Variants in CNTN6 observed in about 807,000 individuals in gnomAD.
The protein encoded by CNTN6 is contactin-6.
A neutral mutation model predicts 122.8 loss-of-function variants in CNTN6; 137 were observed. The observed-to-expected ratio is 1.12, with a 90% CI of 0.97 to 1.29. The LOEUF is 1.29. Among genes scored for constraint, CNTN6 ranks in the 50% most tolerant of loss-of-function variants. The pLI is 0.00. For synonymous variants in CNTN6, 570 were observed against 426.0 expected, an observed-to-expected ratio of 1.34 and a Z score of -4.16; for missense variants, 1,634 against 1,223.4, an observed-to-expected ratio of 1.34 and a Z score of -5.01.
chr3:1,276,760 C>G (rs76890195), intron 4 of CNTN6, among the ~76,000 whole-genome samples: 5,980 of 152,070 alleles, frequency 0.039, 170 homozygotes, highest in South Asian at 0.067. Context: ...TAAACTGATG[C>G]GACAGAGACC....
At chr3:1,312,840 T>C (rs1169104002) in intron 7 of CNTN6, among the ~76,000 whole-genome samples, 1 of 151,310 alleles carries the variant, frequency 6.6e-6, no homozygotes, top group East Asian at 1.9e-4. Flanking sequence ...ATTTACTGTA[T>C]GATGTTGGGC....
chr3:1,150,332 A>G (rs2092812764), intron 2 of CNTN6, among the ~76,000 whole-genome samples: 1 of 152,188 alleles, frequency 6.6e-6, no homozygotes, highest in Admixed American at 6.5e-5. Flanking sequence ...ATCTTTCACA[A>G]TTACTTACTT....
chr3:1,300,255 G>A (rs1696974683), intron 7 of CNTN6, among the ~76,000 whole-genome samples: 1 of 152,100 alleles, frequency 6.6e-6, no homozygotes, highest in Admixed American at 6.6e-5. Context: ...CTAAGTGCTG[G>A]GATGACAGGC....
chr3:1,229,800 T>C lies in CNTN6; in HGVS notation c.358+1807T>C, dbSNP rs116135266. ...TTGACTTTCCCATCTTATCATAAAATTTTCCATTTTGGGGCAGAAGGTGTA... is the reference window on the plus strand; with the variant it reads ...TTGACTTTCCCATCTTATCATAAAACTTTCCATTTTGGGGCAGAAGGTGTA... On this transcript the variant is annotated intron_variant, in intron 4 of 22. Transcript: ENST00000446702. 4.7e-3 allele frequency among the ~76,000 whole-genome samples: 709 copies of C among 152,298 alleles called. 9 individuals are homozygous for C. Among genetic ancestry groups the C allele is most frequent in the African/African-American group, 0.016 (668 of 41,570 alleles).
rs1696044125 is a variant in CNTN6 at position 1,404,060 on chromosome 3, C to A, written c.*642C>A. ...TAAATGATGGGAAATGAGCACCCAC[C>A]TAAAATAATCTTCTAACAACTCTGG... On this transcript the variant is annotated 3_prime_UTR_variant, in exon 23 of 23. Transcript: ENST00000446702. The A allele has an allele frequency of 6.6e-6, 1 of 152,160 alleles. No individual in the cohort carries two copies. Among genetic ancestry groups the A allele is most frequent in the African/African-American group, 2.4e-5 (1 of 41,530 alleles). The allele number at this position is 152,160 out of a possible 1,614,324, so 9.4% of individuals were successfully genotyped here. A position where few individuals can be genotyped will look rare whatever the true frequency, so the allele number is the denominator to read the frequency against.
rs762273126 is a variant in CNTN6, at chr3:1,373,612, G to T, written c.1795G>T (p.Gly599Cys). 14 of 1,610,754 alleles carry T rather than the reference G, an allele frequency of 8.7e-6. No individual in the cohort carries two copies. The highest frequency in any genetic ancestry group is 1.2e-5 in the Non-Finnish European group (14 of 1,178,426). Reference protein sequence around the residue: ...VADIIVRGPPGPPEDVQVEDI... With the variant: ...VADIIVRGPPCPPEDVQVEDI... ...AAAACATTTTTTTCAAGGTCCACCA[G>T]GTCCTCCTGAGGATGTGCAAGTGGA... The change falls in exon 15 of 23, where the codon GGT (glycine) becomes TGT (cysteine). Residue 599 changes from glycine (G) to cysteine (C), a missense_variant. By Grantham distance (159) the Gly-to-Cys change is radical. Transcript: ENST00000446702.
intron 11 of CNTN6, among the ~76,000 whole-genome samples, chr3:1,337,183 C>T (rs1703200038): frequency 6.6e-6 from 1 of 152,124 alleles, no homozygotes; most frequent in Non-Finnish European, 1.5e-5. Context: ...CTTCTAGTTA[C>T]ACAGCCATTG....
At chr3:1,278,987 G>C (rs543070614) in intron 5 of CNTN6, among the ~76,000 whole-genome samples, 17 of 152,320 alleles carry the variant, frequency 1.1e-4, no homozygotes, top group Admixed American at 5.2e-4. Flanking sequence ...AGTAAAGAAA[G>C]TTAAGATTGT....
At chr3:1,260,810 G>A (rs943528665) in intron 4 of CNTN6, among the ~76,000 whole-genome samples, 2 of 152,052 alleles carry the variant, frequency 1.3e-5, no homozygotes, top group African/African-American at 2.4e-5. Flanking sequence ...AAAGAAGGAC[G>A]TGTATGCTTC....
At chr3:1,247,973 G>C (rs901203311) in intron 4 of CNTN6, among the ~76,000 whole-genome samples, 1 of 152,048 alleles carries the variant, frequency 6.6e-6, no homozygotes, top group Non-Finnish European at 1.5e-5. Context: ...CTAAAATGCA[G>C]ACAATAGAAA....
At chr3:1,190,674 T>G (rs2093688995) in intron 2 of CNTN6, among the ~76,000 whole-genome samples, 1 of 152,160 alleles carries the variant, frequency 6.6e-6, no homozygotes, top group Non-Finnish European at 1.5e-5. Context: ...AGCAGAATGG[T>G]ACAGGAAATA....
rs1225750698 is a variant in CNTN6, at chr3:1,292,557, T to C, written c.455-3044T>C. Among the ~76,000 whole-genome samples, 4 of 152,206 alleles carry C rather than the reference T, an allele frequency of 2.6e-5. No individual in the cohort carries two copies. In the East Asian group the frequency reaches 7.7e-4, roughly 29 times the overall value. On this transcript the variant is annotated intron_variant, in intron 5 of 22. Transcript: ENST00000446702. ...AGAATTGAGTTAGCTATTTGTATTTTAACAAGCTTCTTTAGTGATTCTAAT... is the reference window on the plus strand; with the variant it reads ...AGAATTGAGTTAGCTATTTGTATTTCAACAAGCTTCTTTAGTGATTCTAAT...
intron 20 of CNTN6, among the ~76,000 whole-genome samples, chr3:1,388,375 C>A (rs1413111531): frequency 1.3e-5 from 2 of 149,268 alleles, no homozygotes; most frequent in South Asian, 2.1e-4. Context: ...GGAAAACTAA[C>A]AAACAGAAAG....
At chr3:1,103,468 A>G (rs996163123) in intron 1 of CNTN6, among the ~76,000 whole-genome samples, 2 of 152,162 alleles carry the variant, frequency 1.3e-5, no homozygotes, top group African/African-American at 4.8e-5. Context: ...GAAGTTTTCT[A>G]TCTGCTTTCT....
chr3:1,288,143 A>T (rs993447174), intron 5 of CNTN6, among the ~76,000 whole-genome samples: 1 of 152,120 alleles, frequency 6.6e-6, no homozygotes, highest in East Asian at 1.9e-4. Flanking sequence ...AACCAGTTCT[A>T]TAGTTATTTG....
intron 2 of CNTN6, among the ~76,000 whole-genome samples, chr3:1,213,572 T>G (rs1490825322): frequency 6.6e-6 from 1 of 151,856 alleles, no homozygotes; most frequent in Non-Finnish European, 1.5e-5. Flanking sequence ...CAATAAAACT[T>G]TCTCTAAAAA....
In CNTN6 at chr3:1,374,059, G is replaced by C. The variant is rs1318534550; in HGVS notation, c.2081G>C (p.Arg694Thr). The C allele has an allele frequency of 6.2e-7, 1 of 1,612,432 alleles. No homozygotes were observed. The highest frequency in any genetic ancestry group is 2.2e-5 in the East Asian group (1 of 44,810). Residue 694 changes from arginine (R) to threonine (T), a missense_variant, in exon 16 of 23, where the codon AGA (arginine) becomes ACA (threonine). By Grantham distance (71) the Arg-to-Thr change is moderately conservative. Coordinates refer to ENST00000446702, the MANE Select transcript of CNTN6 (RefSeq NM_001289080.2). ...CCAAGTGAACCATCAGAATTGTTAA[G>C]AACTAAAGCATCAGGTAAAGAATCA... ...GEPSEPSELL[R>T]TKASVPVVAP...
intron 2 of CNTN6, among the ~76,000 whole-genome samples, chr3:1,198,599 G>A (rs2093812799): frequency 6.6e-6 from 1 of 152,054 alleles, no homozygotes; most frequent in Non-Finnish European, 1.5e-5. Flanking sequence ...GTGCATGCTT[G>A]TAATCCCTGC....
chr3:1,336,639 C>T (rs1703109302), intron 11 of CNTN6, among the ~76,000 whole-genome samples: 1 of 152,118 alleles, frequency 6.6e-6, no homozygotes, highest in South Asian at 2.1e-4. Context: ...AATAATGCTA[C>T]TGTTAAAACC....
Sources: gnomAD v4.1 joint callset for allele counts (sites outside exome capture counted in the v4.1 genomes callset) on GRCh38, gnomAD v4.1.1 for gene constraint, MANE v1.5 for transcripts, NCBI Gene and HGNC (gene_info 2026-07-23, HGNC 2026-07-21) for gene names.